Variants in WFDC11 observed in about 807,000 individuals in gnomAD.
The protein encoded by WFDC11 is protein WFDC11.
WFDC11 carries 9 observed loss-of-function variants against 9.9 expected under a neutral mutation model. The observed-to-expected ratio is 0.91, with a 90% CI of 0.55 to 1.58. The LOEUF is 1.58. Among genes scored for constraint, WFDC11 ranks in the 40% most tolerant of loss-of-function variants. WFDC11 has a pLI of 0.00. For missense variants in WFDC11, 106 were observed against 101.7 expected (o/e 1.04, Z -0.18); for synonymous variants, 32 against 33.3 (o/e 0.96, Z 0.13).
At chr20:45,668,462 A>G (rs1034545719) in intron 1 of WFDC11, among the ~76,000 whole-genome samples, 26 of 151,320 alleles carry the variant, frequency 1.7e-4, no homozygotes, top group African/African-American at 6.3e-4. Context: ...ATCAATTTAT[A>G]TCATTTACTT....
chr20:45,665,614 T>G (rs1166491772), intron 2 of WFDC11, among the ~76,000 whole-genome samples: 1 of 151,404 alleles, frequency 6.6e-6, no homozygotes, highest in Non-Finnish European at 1.5e-5. Flanking sequence ...GTAGATGTCC[T>G]TTTTGTTGAC....
chr20:45,649,047 G>A (rs1415693974), intron 4 of WFDC11, among the ~76,000 whole-genome samples: 3 of 152,144 alleles, frequency 2.0e-5, no homozygotes, highest in African/African-American at 4.8e-5. Context: ...GACAGGTATT[G>A]ATTATATAAT....
At chr20:45,650,433 A>AC (rs1275123152) in intron 3 of WFDC11, 68 bp downstream of exon 3, 4 of 1,289,938 alleles carry the variant, frequency 3.1e-6, no homozygotes, top group Non-Finnish European at 4.5e-6. Context: ...GGACAATGAA[A>AC]CCCCCTCCCT....
intron 2 of WFDC11, among the ~76,000 whole-genome samples, chr20:45,661,776 T>A (rs920351426): frequency 6.6e-6 from 1 of 152,158 alleles, no homozygotes; most frequent in African/African-American, 2.4e-5. Flanking sequence ...CATTGATCTA[T>A]ATCTCCGTTT....
chr20:45,656,928 A>C (rs1982947356), intron 2 of WFDC11, among the ~76,000 whole-genome samples: 1 of 152,230 alleles, frequency 6.6e-6, no homozygotes, highest in Non-Finnish European at 1.5e-5. Flanking sequence ...AAAAGTCCAG[A>C]AACAACAGGT....
chr20:45,653,402 C>G (rs1323952802), intron 2 of WFDC11, among the ~76,000 whole-genome samples: 2 of 151,958 alleles, frequency 1.3e-5, no homozygotes, highest in African/African-American at 4.8e-5. Flanking sequence ...ACCACCAGGC[C>G]TGCCCTACAA....
intron 2 of WFDC11, among the ~76,000 whole-genome samples, chr20:45,660,926 A>G (rs1288464991): frequency 2.6e-5 from 4 of 152,214 alleles, no homozygotes; most frequent in African/African-American, 4.8e-5. Context: ...CTTTGGGTAT[A>G]TACCCAGTAA....
chr20:45,658,158 A>C (rs1230209304), intron 2 of WFDC11, among the ~76,000 whole-genome samples: 1 of 152,200 alleles, frequency 6.6e-6, no homozygotes, highest in Non-Finnish European at 1.5e-5. Flanking sequence ...TCTAGGCCAT[A>C]AACATATCCA....
In WFDC11 at chr20:45,651,239, T is replaced by TTA. The variant is rs1175882104; in HGVS notation, c.-51-590_-51-589dup. Among the ~76,000 whole-genome samples, 8 of 152,244 alleles carry TTA rather than the reference T, an allele frequency of 5.3e-5. No individual in the cohort carries two copies. The East Asian group carries it at 1.5e-3, about 29-fold the overall frequency. On this transcript the variant is annotated intron_variant, in intron 2 of 4. Coordinates refer to ENST00000324384, the MANE Select transcript of WFDC11 (RefSeq NM_147197.2). Reference sequence around the variant, plus strand: ...AACACCTACTATGTGCCCAGCACTATTATACACCATATATATAGAGAGGGT... The same window carrying TTA: ...AACACCTACTATGTGCCCAGCACTATTATATACACCATATATATAGAGAGGGT...
intron 3 of WFDC11, 143 bp downstream of exon 3, chr20:45,650,358 T>C: frequency 1.6e-6 from 1 of 639,644 alleles, no homozygotes; most frequent in Non-Finnish European, 2.8e-6. Flanking sequence ...TGAATCTCTG[T>C]GCATACAAAA....
intron 2 of WFDC11, among the ~76,000 whole-genome samples, chr20:45,655,380 C>A (rs944146797): frequency 6.6e-6 from 1 of 152,170 alleles, no homozygotes; most frequent in Admixed American, 6.5e-5. Context: ...CAAAATTCAA[C>A]AACCCTTCAT....
intron 2 of WFDC11, among the ~76,000 whole-genome samples, chr20:45,665,000 T>G (rs551045598): frequency 6.6e-6 from 1 of 152,368 alleles, no homozygotes; most frequent in African/African-American, 2.4e-5. Context: ...GATAACATCC[T>G]AAAGAGTGTT....
At chr20:45,654,838 G>T (rs13041885) in intron 2 of WFDC11, among the ~76,000 whole-genome samples, 28,859 of 151,994 alleles carry the variant, frequency 0.19, 2,981 homozygotes, top group East Asian at 0.32. Context: ...CTAGAAGAAA[G>T]GCATAAATTC....
chr20:45,658,225 G>A (rs1183242772), intron 2 of WFDC11, among the ~76,000 whole-genome samples: 2 of 152,004 alleles, frequency 1.3e-5, no homozygotes, highest in Non-Finnish European at 2.9e-5. Context: ...GTGTGTGTGT[G>A]CAATAAAAAT....
chr20:45,657,951 CTA>C (rs1480438264), intron 2 of WFDC11, among the ~76,000 whole-genome samples: 2 of 152,084 alleles, frequency 1.3e-5, no homozygotes, highest in African/African-American at 4.8e-5. Flanking sequence ...GTATAATATT[CTA>C]TCTTTCATAT....
intron 2 of WFDC11, among the ~76,000 whole-genome samples, chr20:45,655,646 C>T (rs1366183225): frequency 1.3e-5 from 2 of 152,116 alleles, no homozygotes; most frequent in African/African-American, 4.8e-5. Context: ...TCAAATTGTC[C>T]CTGTTTGCAG....
chr20:45,659,964 T>C (rs995370611), intron 2 of WFDC11, among the ~76,000 whole-genome samples: 11 of 152,218 alleles, frequency 7.2e-5, no homozygotes, highest in African/African-American at 2.7e-4. Flanking sequence ...ATTTATTAAA[T>C]AGGGAATGCT....
At chr20:45,651,407 T>C (rs1763919209) in intron 2 of WFDC11, among the ~76,000 whole-genome samples, 1 of 152,194 alleles carries the variant, frequency 6.6e-6, no homozygotes, top group South Asian at 2.1e-4. Flanking sequence ...TGTTTGTTTT[T>C]GTTGTTGCAT....
At chr20:45,654,068 G>T (rs561908546) in intron 2 of WFDC11, among the ~76,000 whole-genome samples, 1 of 152,116 alleles carries the variant, frequency 6.6e-6, no homozygotes, top group Non-Finnish European at 1.5e-5. Flanking sequence ...ACTCAGCTCT[G>T]CACCAAGAGG....
Sources: gnomAD v4.1 joint callset for allele counts (sites outside exome capture counted in the v4.1 genomes callset) on GRCh38, gnomAD v4.1.1 for gene constraint, MANE v1.5 for transcripts, NCBI Gene and HGNC (gene_info 2026-07-23, HGNC 2026-07-21) for gene names.